The following IL23R variants were observed in gnomAD, a reference collection of about 807,000 sequenced individuals.
IL23R encodes interleukin-23 receptor.
Under a neutral mutation model 56.9 loss-of-function variants are expected in IL23R, and 34 were observed. The observed-to-expected ratio is 0.60, with a 90% confidence interval of 0.45 to 0.80. The LOEUF is 0.80. IL23R is among the 30% of genes least tolerant of loss of function. The probability of loss-of-function intolerance (pLI) is 0.00; values close to 1 mark genes in which losing one functional copy is unlikely to be tolerated. For missense variants in IL23R, 635 were observed against 730.0 expected, an observed-to-expected ratio of 0.87 and a Z score of 1.50; for synonymous variants, 230 against 249.2, an observed-to-expected ratio of 0.92 and a Z score of 0.73.
Position 67,228,127 on chromosome 1 carries a change from TC to T in IL23R, c.955+8399del, listed in dbSNP as rs1308286603. ...CTTTCTCTCTCTTTCTTTCTTTCTT[TC>T]CTTCTTTCTTTCTGTCTTTCTTTTT... On this transcript the variant is annotated intron_variant, in intron 7 of 10. Transcript: ENST00000347310. Among the ~76,000 whole-genome samples the T allele has an allele frequency of 6.5e-3, 882 of 136,640 alleles. 17 individuals are homozygous for T. The highest frequency in any genetic ancestry group is 0.016 in the East Asian group (78 of 4,786). 89.6% of individuals were successfully genotyped at this position (136,640 alleles called of 152,430 possible).
At chr1:67,183,001 C>T in intron 4 of IL23R, 42 bp downstream of exon 4, 2 of 1,611,222 alleles carry the variant, frequency 1.2e-6, no homozygotes, top group Non-Finnish European at 1.7e-6. Flanking sequence ...AGTTCCACCC[C>T]AGTTCAGCCA....
chr1:67,148,449 A>G (rs567675475), intron 1 of IL23R, among the ~76,000 whole-genome samples: 1 of 152,128 alleles, frequency 6.6e-6, no homozygotes, highest in Non-Finnish European at 1.5e-5. Context: ...TGATTTGACT[A>G]TTTCTTTACC....
intron 2 of IL23R, among the ~76,000 whole-genome samples, chr1:67,169,096 G>A (rs114659496): frequency 0.011 from 1,443 of 133,506 alleles, 34 homozygotes; most frequent in African/African-American, 0.039. Context: ...AGCCGAGATC[G>A]CAACACTGCA....
At chr1:67,248,456 A>C (rs1652389492) in intron 9 of IL23R, among the ~76,000 whole-genome samples, 1 of 152,052 alleles carries the variant, frequency 6.6e-6, no homozygotes, top group African/African-American at 2.4e-5. Context: ...TGTGTTTTTC[A>C]GCACCATCAG....
intron 1 of IL23R, among the ~76,000 whole-genome samples, chr1:67,147,351 T>C (rs1008320676): frequency 2.0e-5 from 3 of 152,202 alleles, no homozygotes; most frequent in Admixed American, 2.0e-4. Flanking sequence ...TTCTGTCAGT[T>C]ACAATTAAAA....
At chr1:67,210,763 G>T (rs1649412248) in intron 6 of IL23R, among the ~76,000 whole-genome samples, 1 of 152,116 alleles carries the variant, frequency 6.6e-6, no homozygotes, top group Non-Finnish European at 1.5e-5. Context: ...ATGAGCCACA[G>T]CACCTGGCCT....
At chr1:67,168,235 G>A in intron 2 of IL23R, 45 bp downstream of exon 2, 2 of 1,251,322 alleles carry the variant, frequency 1.6e-6, no homozygotes, top group South Asian at 1.2e-5. Context: ...TTCAACAAAT[G>A]GAATATTGAG....
intron 2 of IL23R, among the ~76,000 whole-genome samples, chr1:67,168,761 G>A (rs568380908): frequency 1.4e-3 from 209 of 152,196 alleles, no homozygotes; most frequent in African/African-American, 4.8e-3. Context: ...TAATCTCTCG[G>A]TTCTCTACTT....
intron 5 of IL23R, among the ~76,000 whole-genome samples, chr1:67,204,814 T>A (rs982415878): frequency 6.6e-6 from 1 of 151,842 alleles, no homozygotes; most frequent in African/African-American, 2.4e-5. Context: ...AGTCTTGCTC[T>A]GTTACCCAGG....
intron 4 of IL23R, among the ~76,000 whole-genome samples, chr1:67,185,439 T>A (rs963277080): frequency 1.3e-5 from 2 of 152,170 alleles, no homozygotes. Context: ...TGTTTTGTTT[T>A]GTTTTCGTTT....
intron 1 of IL23R, among the ~76,000 whole-genome samples, chr1:67,149,296 C>T (rs960668710): frequency 2.0e-5 from 3 of 152,104 alleles, no homozygotes; most frequent in African/African-American, 7.2e-5. Flanking sequence ...TTGTTAGCCT[C>T]GTTGGCCACC....
chr1:67,244,705 G>A (rs778003628), intron 9 of IL23R, among the ~76,000 whole-genome samples: 5 of 152,204 alleles, frequency 3.3e-5, no homozygotes, highest in East Asian at 3.9e-4. Context: ...TGCTGTTTTT[G>A]TTACTGTAAC....
the IL23R span, among the ~76,000 whole-genome samples, chr1:67,265,205 G>T: frequency 6.6e-6 from 1 of 152,200 alleles, no homozygotes; most frequent in Admixed American, 6.5e-5. Flanking sequence ...AAGAGAGAAA[G>T]AATGCAACAG....
At chr1:67,195,435 A>G (rs1447820102) in intron 4 of IL23R, among the ~76,000 whole-genome samples, 1 of 152,236 alleles carries the variant, frequency 6.6e-6, no homozygotes, top group Non-Finnish European at 1.5e-5. Flanking sequence ...CATGATAACA[A>G]CAACGTTATC....
upstream of IL23R, among the ~76,000 whole-genome samples, chr1:67,163,284 C>A (rs1209903706): frequency 6.6e-6 from 1 of 151,702 alleles, no homozygotes; most frequent in Non-Finnish European, 1.5e-5. Flanking sequence ...GCCTGGCCAA[C>A]ATGATGAAAC....
chr1:67,169,372 T>C lies in IL23R; in HGVS notation c.101T>C (p.Ile34Thr). 1 of 1,612,858 alleles carries C rather than the reference T, an allele frequency of 6.2e-7. No individual in the cohort carries two copies. Among genetic ancestry groups the C allele is most frequent in the Non-Finnish European group, 8.5e-7 (1 of 1,179,118 alleles). The change falls in exon 3 of 11, where the codon ATC becomes ACC. Residue 34 changes from isoleucine to threonine, a missense_variant. Ile to Thr is a moderately conservative substitution (Grantham distance 89). Coordinates refer to ENST00000347310, the MANE Select transcript of IL23R (RefSeq NM_144701.3). The part of the protein sequence containing the change: ...GITNINCSGH[I>T]WVEPATIFKM... ...ACAAATATAAACTGCTCTGGCCACA[T>C]CTGGGTAGAACCAGCCACAATTTTT...
chr1:67,218,710 G>GC (rs1341491244), intron 6 of IL23R, among the ~76,000 whole-genome samples: 2 of 151,882 alleles, frequency 1.3e-5, no homozygotes, highest in Non-Finnish European at 2.9e-5. Context: ...GATGACTTGT[G>GC]CCCAGGAGAC....
At chr1:67,179,168 A>T (rs79330259) in intron 3 of IL23R, among the ~76,000 whole-genome samples, 2 of 152,106 alleles carry the variant, frequency 1.3e-5, no homozygotes, top group Non-Finnish European at 2.9e-5. Flanking sequence ...TTTTCTATTG[A>T]TTGGAATAGT....
chr1:67,256,063 C>G, intron 10 of IL23R, 136 bp downstream of exon 10: 2 of 599,544 alleles, frequency 3.3e-6, no homozygotes, highest in Non-Finnish European at 6.0e-6. Context: ...TGTGTAAAGA[C>G]AAAACTGTAC....
Sources: gnomAD v4.1 joint callset for allele counts (sites outside exome capture counted in the v4.1 genomes callset) on GRCh38, gnomAD v4.1.1 for gene constraint, MANE v1.5 for transcripts, NCBI Gene and HGNC (gene_info 2026-07-23, HGNC 2026-07-21) for gene names.